Variants in PDE10A observed in about 807,000 individuals in gnomAD.
PDE10A encodes the protein phosphodiesterase 10A, also known as cAMP and cAMP-inhibited cGMP 3',5'-cyclic phosphodiesterase 10A.
In PDE10A, 39 loss-of-function variants were observed where a neutral mutation model predicts 97.7. The observed-to-expected ratio is 0.40, with a 90% CI of 0.31 to 0.52. PDE10A has a LOEUF of 0.52. PDE10A is among the 20% of genes least tolerant of loss of function. The pLI is 0.56. For synonymous variants in PDE10A, 371 were observed against 376.8 expected, an observed-to-expected ratio of 0.98 and a Z score of 0.18; for missense variants, 731 against 1,047.8, an observed-to-expected ratio of 0.70 and a Z score of 4.17.
chr6:165,766,579 A>G (rs946750609), intron 1 of PDE10A, among the ~76,000 whole-genome samples: 1 of 152,312 alleles, frequency 6.6e-6, no homozygotes, highest in South Asian at 2.1e-4. Flanking sequence ...AAACTGGTCA[A>G]GTTCCTTTGT....
chr6:165,516,350 G>T (rs1209097588), intron 2 of PDE10A, among the ~76,000 whole-genome samples: 1 of 152,060 alleles, frequency 6.6e-6, no homozygotes, highest in African/African-American at 2.4e-5. Context: ...AAAAGATTAT[G>T]TACATGCTTC....
intron 1 of PDE10A, among the ~76,000 whole-genome samples, chr6:165,764,440 G>A (rs369578501): frequency 1.4e-4 from 22 of 152,114 alleles, no homozygotes; most frequent in Admixed American, 9.8e-4. Flanking sequence ...TGGTGTGTCC[G>A]GAATTGGTGG....
At chr6:165,482,396 T>TA in intron 2 of PDE10A, 53 bp from the exon 3 acceptor site, 1 of 1,356,072 alleles carries the variant, frequency 7.4e-7, no homozygotes, top group South Asian at 1.2e-5. Context: ...GAGTAGGTTT[T>TA]AAAATACAAA....
chr6:165,894,306 G>A (rs1781882413), intron 1 of PDE10A: 1 of 455,972 alleles, frequency 2.2e-6, no homozygotes, highest in South Asian at 1.5e-5. Context: ...CCAATCTGCA[G>A]ATGACAAATT....
chr6:165,931,287 G>A (rs1265035368), intron 1 of PDE10A, among the ~76,000 whole-genome samples: 1 of 152,180 alleles, frequency 6.6e-6, no homozygotes, highest in Non-Finnish European at 1.5e-5. Flanking sequence ...ATTTATTCAT[G>A]TACCTCCTCA....
chr6:165,537,560 T>A (rs1783165873), intron 2 of PDE10A, among the ~76,000 whole-genome samples: 2 of 151,984 alleles, frequency 1.3e-5, no homozygotes, highest in South Asian at 4.1e-4. Context: ...AATAATATAT[T>A]CATAATTTTA....
intron 17 of PDE10A, among the ~76,000 whole-genome samples, chr6:165,383,523 C>A (rs565998364): frequency 6.6e-6 from 1 of 152,128 alleles, no homozygotes; most frequent in Non-Finnish European, 1.5e-5. Context: ...CCGGACACAG[C>A]TACTCACTTT....
At chr6:165,377,669 T>C (rs1177619064) in intron 18 of PDE10A, among the ~76,000 whole-genome samples, 1 of 152,128 alleles carries the variant, frequency 6.6e-6, no homozygotes, top group East Asian at 1.9e-4. Context: ...AAAGAAAGTG[T>C]ATGGGTTTCA....
intron 13 of PDE10A, among the ~76,000 whole-genome samples, chr6:165,409,943 T>C (rs1436714877): frequency 6.6e-6 from 1 of 151,562 alleles, no homozygotes; most frequent in African/African-American, 2.4e-5. Flanking sequence ...GGTATTATGA[T>C]ACCACAATTA....
At position 165,487,522 on chromosome 6, in the gene PDE10A, G is replaced by A. The variant is rs371979154; in HGVS notation, c.995-5179C>T. Among the ~76,000 whole-genome samples, 6 of 152,026 alleles carry A rather than the reference G, an allele frequency of 3.9e-5. 1 individual carries two copies. Among genetic ancestry groups the A allele is most frequent in the South Asian group, 2.1e-4 (1 of 4,804 alleles). ...TGAATCATCCTGAAACCACTCCTCC[G>A]ACCAGTCTGTGAAACATCTGTCTTC... is the stretch of plus-strand genomic sequence containing the variant. On this transcript the variant is annotated intron_variant, in intron 2 of 21. Transcript: ENST00000539869.
chr6:165,355,685 G>A (rs146842364), intron 18 of PDE10A, among the ~76,000 whole-genome samples: 13 of 152,220 alleles, frequency 8.5e-5, no homozygotes, highest in African/African-American at 2.9e-4. Flanking sequence ...GTGTGTGAAA[G>A]TACACTTTCA....
chr6:165,749,888 T>A (rs1414938140), intron 1 of PDE10A, among the ~76,000 whole-genome samples: 2 of 152,222 alleles, frequency 1.3e-5, no homozygotes, highest in South Asian at 2.1e-4. Context: ...GTTCTTGAGG[T>A]TACATGGAGT....
rs9459397 is a variant in PDE10A, at chr6:165,372,773, C to A, written c.2783+6421G>T. ...CAAAAAAGAGCCCGCATTGCCAAGT[C>A]AATCCTAAGCCAAAAGAACAAAGCT... On this transcript the variant is annotated intron_variant, in intron 18 of 21. Coordinates refer to ENST00000539869, the MANE Select transcript of PDE10A (RefSeq NM_001385079.1). Among the ~76,000 whole-genome samples, 1,007 of 135,658 alleles carry A rather than the reference C, an allele frequency of 7.4e-3. 28 individuals are homozygous for A. The highest frequency in any genetic ancestry group is 0.029 in the African/African-American group (965 of 33,640). The allele number at this position is 135,658 out of a possible 152,430, so 89.0% of individuals were successfully genotyped here. A position where few individuals can be genotyped will look rare whatever the true frequency, so the allele number is the denominator to read the frequency against.
chr6:165,425,938 A>G (rs1329912312), intron 10 of PDE10A, among the ~76,000 whole-genome samples: 1 of 152,086 alleles, frequency 6.6e-6, no homozygotes, highest in Non-Finnish European at 1.5e-5. Context: ...AAAATAAAGA[A>G]AACAATTCCA....
chr6:165,735,280 T>G (rs1792544442), intron 1 of PDE10A, among the ~76,000 whole-genome samples: 1 of 151,112 alleles, frequency 6.6e-6, no homozygotes, highest in African/African-American at 2.4e-5. Context: ...GTAGGTCAGT[T>G]GGTAGGTAAG....
intron 1 of PDE10A, among the ~76,000 whole-genome samples, chr6:165,833,692 C>T (rs1039244566): frequency 2.0e-5 from 3 of 152,234 alleles, no homozygotes; most frequent in Non-Finnish European, 2.9e-5. Context: ...AGCAATTCTT[C>T]TCGAGATGTT....
At chr6:165,530,234 G>GT (rs1782688325) in intron 2 of PDE10A, among the ~76,000 whole-genome samples, 1 of 151,774 alleles carries the variant, frequency 6.6e-6, no homozygotes, top group Non-Finnish European at 1.5e-5. Flanking sequence ...TTGTGATTGT[G>GT]TAAGTTAATA....
chr6:165,584,244 T>C (rs11967750), intron 1 of PDE10A, among the ~76,000 whole-genome samples: 6,177 of 152,036 alleles, frequency 0.041, 384 homozygotes, highest in East Asian at 0.31. Context: ...CTGGAAGGAG[T>C]TGCAGTTGAG....
intron 1 of PDE10A, among the ~76,000 whole-genome samples, chr6:165,709,221 C>T (rs1371140607): frequency 7.3e-6 from 1 of 136,274 alleles, no homozygotes; most frequent in Non-Finnish European, 1.6e-5. Flanking sequence ...TGCCCCCACC[C>T]TCTACCCCAT....
Sources: gnomAD v4.1 joint callset for allele counts (sites outside exome capture counted in the v4.1 genomes callset) on GRCh38, gnomAD v4.1.1 for gene constraint, MANE v1.5 for transcripts, NCBI Gene and HGNC (gene_info 2026-07-23, HGNC 2026-07-21) for gene names.